The following BMPR2 variants were observed in gnomAD, a reference collection of about 807,000 sequenced individuals.
The protein encoded by BMPR2 is bone morphogenetic protein receptor type 2.
Under a neutral mutation model 100.8 loss-of-function variants are expected in BMPR2, and 29 were observed. That is an observed-to-expected ratio of 0.29 (90% CI 0.21 to 0.39). The LOEUF is 0.39. BMPR2 is among the 10% of genes least tolerant of loss of function. BMPR2 has a pLI of 1.00. For synonymous variants in BMPR2, 382 were observed against 442.3 expected, an observed-to-expected ratio of 0.86 and a Z score of 1.71; for missense variants, 1,011 against 1,274.5, an observed-to-expected ratio of 0.79 and a Z score of 3.15.
In BMPR2 at chr2:202,448,071, T is replaced by C. The variant is rs563706072; in HGVS notation, c.77-16738T>C. On this transcript the variant is annotated intron_variant, in intron 1 of 12. Transcript: ENST00000374580. ...ACACCTTAAGGGTAGGTGGGCACTG[T>C]CTTATTCCCAGCATTTTTCCTGGTT... is the stretch of plus-strand genomic sequence containing the variant. 9.8e-4 allele frequency among the ~76,000 whole-genome samples: 147 copies of C among 150,448 alleles called. 13 individuals carry two copies. Among genetic ancestry groups the C allele is most frequent in the African/African-American group, 3.5e-3 (139 of 39,808 alleles).
intron 5 of BMPR2, among the ~76,000 whole-genome samples, chr2:202,518,034 G>A (rs1176977958): frequency 3.7e-5 from 5 of 135,484 alleles, no homozygotes; most frequent in Non-Finnish European, 7.7e-5. Context: ...TACCGTGTTA[G>A]CCAGGATGGT....
intron 1 of BMPR2, among the ~76,000 whole-genome samples, chr2:202,442,823 TTTTG>T (rs1691774935): frequency 1.3e-5 from 2 of 150,784 alleles, no homozygotes; most frequent in South Asian, 4.1e-4. Context: ...ATATACCATA[TTTTG>T]TTTATCTGTT....
chr2:202,452,884 G>A (rs1013257621), intron 1 of BMPR2, among the ~76,000 whole-genome samples: 35 of 152,272 alleles, frequency 2.3e-4, no homozygotes, highest in African/African-American at 7.7e-4. Context: ...AGGGGATCCC[G>A]CCTCAGTGGT....
intron 1 of BMPR2, among the ~76,000 whole-genome samples, chr2:202,421,846 CTCAAG>C (rs1691269334): frequency 1.3e-5 from 2 of 151,840 alleles, no homozygotes; most frequent in South Asian, 4.2e-4. Context: ...AGCAGGAGTA[CTCAAG>C]AAATTGATAG....
rs765802370 is a variant in BMPR2, at chr2:202,555,391, C to A, written c.1726C>A (p.Pro576Thr). The A allele has an allele frequency of 6.2e-7, 1 of 1,614,156 alleles. No homozygotes were observed. Among genetic ancestry groups the A allele is most frequent in the Non-Finnish European group, 8.5e-7 (1 of 1,180,030 alleles). ...CTCTGAGCATTCTATGTCCAGCACA[C>A]CTTTGACTATAGGGGAAAAAAACCG... ...ISSEHSMSST[P>T]LTIGEKNRNS... Residue 576 changes from proline to threonine, a missense_variant, in exon 12 of 13, where the codon CCT becomes ACT. Transcript: ENST00000374580.
At chr2:202,559,292 A>C (rs1688640829) in intron 12 of BMPR2, among the ~76,000 whole-genome samples, 1 of 148,582 alleles carries the variant, frequency 6.7e-6, no homozygotes, top group African/African-American at 2.5e-5. Flanking sequence ...ACAGAGTGAG[A>C]CTCCATCCCC....
intron 1 of BMPR2, among the ~76,000 whole-genome samples, chr2:202,433,209 TAGTC>T (rs1691541048): frequency 6.6e-6 from 1 of 150,540 alleles, no homozygotes; most frequent in Non-Finnish European, 1.5e-5. Flanking sequence ...GGACTTGTAT[TAGTC>T]AGGATTCTCC....
At chr2:202,536,061 G>C (rs527322404) in intron 9 of BMPR2, among the ~76,000 whole-genome samples, 1 of 152,064 alleles carries the variant, frequency 6.6e-6, no homozygotes, top group Non-Finnish European at 1.5e-5. Context: ...GAGGGAGACC[G>C]TGGAAAGAGA....
At chr2:202,536,103 G>T (rs981776274) in intron 9 of BMPR2, among the ~76,000 whole-genome samples, 66 of 152,138 alleles carry the variant, frequency 4.3e-4, no homozygotes, top group African/African-American at 1.4e-3. Flanking sequence ...GAGGGAGAGG[G>T]AGAGGGAGCT....
rs1688684053 is a variant in BMPR2, at chr2:202,561,937, C to T, written c.*1991C>T. On this transcript the variant is annotated 3_prime_UTR_variant, in exon 13 of 13. Transcript: ENST00000374580. The stretch of plus-strand genomic sequence containing the variant: ...TTCCACGTTTTGTGTTTTATTGGCC[C>T]TTTTCTTTATTCAGCCCCTTAATCT... 2 of 152,026 alleles carry T rather than the reference C, an allele frequency of 1.3e-5. No individual in the cohort carries two copies. The highest frequency in any genetic ancestry group is 4.1e-4 in the South Asian group (2 of 4,820). The allele number at this position is 152,026 out of a possible 1,614,324, so 9.4% of individuals were successfully genotyped here.
chr2:202,378,400 A>G (rs926971968), intron 1 of BMPR2, among the ~76,000 whole-genome samples: 2 of 152,180 alleles, frequency 1.3e-5, no homozygotes, highest in African/African-American at 4.8e-5. Context: ...TTCTACATAT[A>G]ACTCGTACAC....
At chr2:202,538,994 G>T (rs1688219386) in intron 9 of BMPR2, among the ~76,000 whole-genome samples, 1 of 152,090 alleles carries the variant, frequency 6.6e-6, no homozygotes, top group Non-Finnish European at 1.5e-5. Flanking sequence ...GAGAAGTTAT[G>T]AGTCGATGCA....
chr2:202,546,858 T>TC (rs747131487), intron 10 of BMPR2, among the ~76,000 whole-genome samples: 12 of 152,162 alleles, frequency 7.9e-5, no homozygotes, highest in Non-Finnish European at 1.3e-4. Context: ...TGCCTCAGAC[T>TC]CCCGGAGTGC....
intron 4 of BMPR2, 91 bp downstream of exon 4, chr2:202,513,920 AT>A (rs1687668466): frequency 3.9e-6 from 4 of 1,033,226 alleles, no homozygotes; most frequent in Non-Finnish European, 5.9e-6. Context: ...GTTAAAAAAA[AT>A]AGTCTCAAAG....
intron 12 of BMPR2, among the ~76,000 whole-genome samples, chr2:202,557,369 C>T (rs1475378669): frequency 6.6e-6 from 1 of 151,968 alleles, no homozygotes; most frequent in East Asian, 1.9e-4. Flanking sequence ...AAGGCTGAGG[C>T]AGAGAATTGC....
At position 202,560,552 on chromosome 2, in the gene BMPR2, C is replaced by G. The variant is rs1688662415; in HGVS notation, c.*606C>G. ...ATATAAACACTTTTCTGCCCCATCT[C>G]CCATACTTTTGAAGGTCAGTTCTAT... On this transcript the variant is annotated 3_prime_UTR_variant, in exon 13 of 13. Coordinates refer to ENST00000374580, the MANE Select transcript of BMPR2 (RefSeq NM_001204.7). 1 of 155,014 alleles carries G rather than the reference C, an allele frequency of 6.5e-6. No homozygotes were observed. The highest frequency in any genetic ancestry group is 2.0e-4 in the South Asian group (1 of 5,036). 9.6% of individuals were successfully genotyped at this position (155,014 alleles called of 1,614,324 possible).
chr2:202,385,361 CTTTTTTTTT>C (rs1161944548), intron 1 of BMPR2, among the ~76,000 whole-genome samples: 1 of 86,338 alleles, frequency 1.2e-5, no homozygotes. Context: ...AAAAAAGATG[CTTTTTTTTT>C]TTTTTTTTTT....
intron 11 of BMPR2, 39 bp from the exon 12 acceptor site, chr2:202,555,213 T>C (rs1688542139): frequency 6.4e-7 from 1 of 1,555,144 alleles, no homozygotes; most frequent in South Asian, 1.1e-5. Context: ...TTGTCATAAA[T>C]GTACGTTCTC....
At chr2:202,466,105 T>G (rs1351949485) in intron 2 of BMPR2, among the ~76,000 whole-genome samples, 1 of 152,130 alleles carries the variant, frequency 6.6e-6, no homozygotes, top group African/African-American at 2.4e-5. Flanking sequence ...TAAACATAAT[T>G]TTTTGATTGT....
Sources: gnomAD v4.1 joint callset for allele counts (sites outside exome capture counted in the v4.1 genomes callset) on GRCh38, gnomAD v4.1.1 for gene constraint, MANE v1.5 for transcripts, NCBI Gene and HGNC (gene_info 2026-07-23, HGNC 2026-07-21) for gene names.